Variants in OLFML2B observed in about 807,000 individuals in gnomAD.
The protein encoded by OLFML2B is olfactomedin-like protein 2B.
Under a neutral mutation model 74.9 loss-of-function variants are expected in OLFML2B, and 57 were observed. The observed-to-expected ratio is 0.76, with a 90% CI of 0.61 to 0.95. The LOEUF is 0.95. Among genes scored for constraint, OLFML2B ranks in the 40% least tolerant of loss-of-function variants. OLFML2B has a pLI of 0.00. For missense variants in OLFML2B, 986 were observed against 970.6 expected (o/e 1.02, Z -0.21); for synonymous variants, 388 against 405.8 (o/e 0.96, Z 0.53).
At chr1:161,984,764 G>A (rs2101942474) in intron 7 of OLFML2B, 40 bp downstream of exon 7, 1 of 1,593,470 alleles carries the variant, frequency 6.3e-7, no homozygotes, top group Non-Finnish European at 8.6e-7. Context: ...AGGACGTGGG[G>A]AAGGGAAGGA....
At chr1:162,005,079 T>C (rs1457523707) in intron 4 of OLFML2B, among the ~76,000 whole-genome samples, 5 of 152,264 alleles carry the variant, frequency 3.3e-5, no homozygotes, top group African/African-American at 1.2e-4. Context: ...AACTTACCTG[T>C]TTCCTCTTCC....
Position 162,000,230 on chromosome 1 carries a change from G to T in OLFML2B, c.832C>A (p.Pro278Thr). 4.3e-6 allele frequency: 7 copies of T among 1,613,902 alleles called. No individual in the cohort carries two copies. The highest frequency in any genetic ancestry group is 5.9e-6 in the Non-Finnish European group (7 of 1,180,036). ...CTCAGGTGGACCTGCCTCTGCAGGG[G>T]CCGCTGTGACTTCACCACCTCAGGC... ...ALPEVVKSQR[P>T]LQRQVHLRGR... is the part of the protein sequence containing the mutation. The change falls in exon 5 of 8, where the codon CCC (proline) becomes ACC (threonine). Residue 278 changes from proline to threonine, a missense_variant. Pro to Thr is a conservative substitution (Grantham distance 38, BLOSUM62 -1). Coordinates refer to ENST00000294794, the MANE Select transcript of OLFML2B (RefSeq NM_015441.3).
chr1:162,017,907 G>A (rs1451407937), intron 2 of OLFML2B, among the ~76,000 whole-genome samples: 4 of 152,148 alleles, frequency 2.6e-5, no homozygotes, highest in African/African-American at 7.2e-5. Context: ...GACAGGCTGG[G>A]TAAAGAAAAT....
rs1413362185 is a variant in OLFML2B at position 161,985,860 on chromosome 1, AG to A, written c.1475-881del. 3.3e-5 allele frequency among the ~76,000 whole-genome samples: 5 copies of A among 152,230 alleles called. No individual in the cohort carries two copies. The East Asian group carries it at 9.6e-4, about 29-fold the overall frequency. On this transcript the variant is annotated intron_variant, in intron 6 of 7. Transcript: ENST00000294794. ...GTCGGCCACGATGGGACAGGAACTC[AG>A]CAACGTCCTTCTGAGTGGCTCTGGA...
intron 6 of OLFML2B, among the ~76,000 whole-genome samples, chr1:161,992,096 T>A (rs1174918244): frequency 6.6e-6 from 1 of 152,248 alleles, no homozygotes; most frequent in African/African-American, 2.4e-5. Context: ...TGTAGCCACC[T>A]TCATCAACAA....
rs749933963 is a variant in OLFML2B, at chr1:162,006,794, T to C, written c.547-321A>G. On this transcript the variant is annotated intron_variant, in intron 3 of 7. Coordinates refer to ENST00000294794, the MANE Select transcript of OLFML2B (RefSeq NM_015441.3). ...AGGTTCTTTTTCTGTCCTTTGTATA[T>C]AGTCCACTCTTATCCAGTGTTGAAG... Among the ~76,000 whole-genome samples, 8 of 152,348 alleles carry C rather than the reference T, an allele frequency of 5.3e-5. No homozygotes were observed. In the East Asian group the frequency reaches 5.8e-4, roughly 11 times the overall value.
intron 6 of OLFML2B, among the ~76,000 whole-genome samples, chr1:161,997,617 A>T (rs767190961): frequency 3.3e-5 from 5 of 152,224 alleles, no homozygotes; most frequent in Non-Finnish European, 7.3e-5. Context: ...TATTTTAGGA[A>T]AAAAGAGTCC....
At chr1:162,000,399 G>A (rs913225284) in intron 4 of OLFML2B, 61 bp from the exon 5 acceptor site, 13 of 1,429,208 alleles carry the variant, frequency 9.1e-6, no homozygotes, top group Non-Finnish European at 1.3e-5. Context: ...CAGTGGGCAG[G>A]TGGGGGCAAG....
At chr1:162,008,664 A>C (rs564350123) in intron 3 of OLFML2B, among the ~76,000 whole-genome samples, 3 of 152,368 alleles carry the variant, frequency 2.0e-5, no homozygotes, top group Admixed American at 1.3e-4. Flanking sequence ...TCAGCATCAC[A>C]CAGGAGCTTG....
intron 1 of OLFML2B, 149 bp downstream of exon 1, chr1:162,023,108 A>G (rs1484927393): frequency 1.1e-5 from 8 of 722,882 alleles, no homozygotes; most frequent in Non-Finnish European, 1.6e-5. Flanking sequence ...TTCCATTAAG[A>G]AAATATTCCG....
intron 6 of OLFML2B, among the ~76,000 whole-genome samples, chr1:161,988,392 C>T (rs912013512): frequency 6.6e-6 from 1 of 152,116 alleles, no homozygotes; most frequent in Non-Finnish European, 1.5e-5. Flanking sequence ...GCAAGCTTCC[C>T]CAGTAGGGTC....
rs1286810157 is a variant in OLFML2B, at chr1:161,997,859, G to T, written c.1440C>A (p.Ser480Arg). The T allele has an allele frequency of 5.0e-6, 8 of 1,613,954 alleles. No homozygotes were observed. The East Asian group carries it at 8.9e-5, about 18-fold the overall frequency. ...WGTTPASPTL[S>R]PEEEDDIRNV... The stretch of plus-strand genomic sequence containing the variant: ...TCCGGATGTCATCTTCTTCTTCGGG[G>T]CTCAGCGTGGGGCTGGCAGGGGTTG... The change falls in exon 6 of 8, where the codon AGC becomes AGA. Residue 480 changes from serine to arginine, a missense_variant. Ser to Arg is a moderately radical substitution (Grantham distance 110). Coordinates refer to ENST00000294794, the MANE Select transcript of OLFML2B (RefSeq NM_015441.3).
chr1:162,004,554 G>A lies in OLFML2B; in HGVS notation c.723+1743C>T, dbSNP rs147900225. On this transcript the variant is annotated intron_variant, in intron 4 of 7. Coordinates refer to ENST00000294794, the MANE Select transcript of OLFML2B (RefSeq NM_015441.3). ...CTTCTCAGGGCTTGTTACCTCAAAA[G>A]CCCCAATCTGCCTGCAGTCCTGCCT... Among the ~76,000 whole-genome samples the A allele has an allele frequency of 2.6e-5, 4 of 152,192 alleles. No individual in the cohort carries two copies. The East Asian group carries it at 5.8e-4, about 22-fold the overall frequency.
intron 6 of OLFML2B, 172 bp from the exon 7 acceptor site, chr1:161,985,152 C>T (rs144866182): frequency 1.7e-6 from 1 of 581,038 alleles, no homozygotes. Flanking sequence ...CCCTGATCCA[C>T]CCTACACTTG....
At chr1:162,009,703 G>T (rs1255159177) in intron 3 of OLFML2B, among the ~76,000 whole-genome samples, 3 of 152,174 alleles carry the variant, frequency 2.0e-5, no homozygotes, top group Non-Finnish European at 2.9e-5. Context: ...CCATTGGCCT[G>T]CAGGGCTCAG....
At chr1:162,001,921 T>G (rs1036503841) in intron 4 of OLFML2B, among the ~76,000 whole-genome samples, 3 of 152,242 alleles carry the variant, frequency 2.0e-5, no homozygotes, top group Admixed American at 2.0e-4. Context: ...GCCCGGTGAC[T>G]GGGCATCTGG....
At position 162,010,263 on chromosome 1, in the gene OLFML2B, G is replaced by C. The variant is rs2101972199; in HGVS notation, c.547-3790C>G. Among the ~76,000 whole-genome samples the C allele has an allele frequency of 2.6e-5, 4 of 152,336 alleles. 1 individual carries two copies. The South Asian group carries it at 8.3e-4, about 32-fold the overall frequency. On this transcript the variant is annotated intron_variant, in intron 3 of 7. Coordinates refer to ENST00000294794, the MANE Select transcript of OLFML2B (RefSeq NM_015441.3). ...GCCAAGGAACTCAGAGGTGTTCATAGAACAAGTGCCATGTGCAGGAGAGGT... is the reference window on the plus strand; with the variant it reads ...GCCAAGGAACTCAGAGGTGTTCATACAACAAGTGCCATGTGCAGGAGAGGT...
Position 162,000,187 on chromosome 1 carries a change from T to A in OLFML2B, c.875A>T (p.Gln292Leu). The change falls in exon 5 of 8, where the codon CAG (glutamine) becomes CTG (leucine). Residue 292 changes from glutamine to leucine, a missense_variant. Transcript: ENST00000294794. The part of the protein sequence containing the change: ...QVHLRGRPAS[Q>L]PTVIRGITYY... ...GGTGATGCCCCGGATGACAGTGGGC[T>A]GGGAGGCCGGCCGGCCTCTCAGGTG... The A allele has an allele frequency of 6.2e-7, 1 of 1,613,806 alleles. No homozygotes were observed. The highest frequency in any genetic ancestry group is 8.5e-7 in the Non-Finnish European group (1 of 1,179,844).
intron 3 of OLFML2B, among the ~76,000 whole-genome samples, chr1:162,010,897 C>T (rs1558065503): frequency 6.6e-6 from 1 of 152,112 alleles, no homozygotes. Flanking sequence ...CCAAGCTTGG[C>T]ACAGAGATGG....
Sources: allele counts gnomAD v4.1 joint callset (sites outside exome capture counted in the v4.1 genomes callset), GRCh38; gene constraint gnomAD v4.1.1; transcripts MANE v1.5; gene names NCBI Gene and HGNC (gene_info 2026-07-23, HGNC 2026-07-21).